MYRIP: variants seen among roughly 807,000 people sequenced by gnomAD.
The protein encoded by MYRIP is rab effector MyRIP.
In MYRIP, 49 loss-of-function variants were observed where a neutral mutation model predicts 98.0. That is an observed-to-expected ratio of 0.50 (90% CI 0.40 to 0.63). MYRIP has a LOEUF of 0.63. Among genes scored for constraint, MYRIP ranks in the 30% least tolerant of loss-of-function variants. The pLI, the probability that MYRIP is intolerant of heterozygous loss-of-function variation, is 0.00. For missense variants in MYRIP, 1,004 were observed against 1,058.2 expected, an observed-to-expected ratio of 0.95 and a Z score of 0.71; for synonymous variants, 404 against 409.5, an observed-to-expected ratio of 0.99 and a Z score of 0.16.
At chr3:40,162,876 G>A in intron 5 of MYRIP, 66 bp downstream of exon 5, 3 of 1,434,816 alleles carry the variant, frequency 2.1e-6, no homozygotes, top group Non-Finnish European at 2.9e-6. Flanking sequence ...ACAGGTACAG[G>A]TACTGCCAGG....
At chr3:40,218,612 T>TTATATATATA (rs751894190) in intron 11 of MYRIP, among the ~76,000 whole-genome samples, 78 of 13,470 alleles carry the variant, frequency 5.8e-3, no homozygotes, top group South Asian at 0.014. Flanking sequence ...TATATATATT[T>TTATATATATA]TATATATATA....
chr3:40,183,796 A>C (rs1471586028), intron 9 of MYRIP, among the ~76,000 whole-genome samples: 2 of 152,260 alleles, frequency 1.3e-5, no homozygotes, highest in African/African-American at 2.4e-5. Context: ...AACAAAAAAG[A>C]TTAACAGCAG....
At chr3:40,095,595 G>T (rs1337980373) in intron 3 of MYRIP, among the ~76,000 whole-genome samples, 2 of 152,082 alleles carry the variant, frequency 1.3e-5, no homozygotes, top group African/African-American at 4.8e-5. Context: ...GCTCAGAGAG[G>T]TTTCTGAGAA....
intron 1 of MYRIP, among the ~76,000 whole-genome samples, chr3:39,842,179 C>T (rs937514236): frequency 6.6e-6 from 1 of 152,188 alleles, no homozygotes; most frequent in East Asian, 1.9e-4. Flanking sequence ...TCTAGAGAGG[C>T]AGTCTGGCTA....
Position 39,849,342 on chromosome 3 carries a change from G to C in MYRIP, c.-31+39426G>C, listed in dbSNP as rs142677288. Among the ~76,000 whole-genome samples the C allele has an allele frequency of 7.6e-3, 1,161 of 152,270 alleles. 16 individuals are homozygous for C. The highest frequency in any genetic ancestry group is 0.024 in the Middle Eastern group (7 of 294). ...TACAAATAGATAAAGCCACCTCTGT[G>C]CTTCTCATTTATTTCCGAGTCTAAT... On this transcript the variant is annotated intron_variant, in intron 1 of 16. Transcript: ENST00000302541.
At chr3:39,979,802 T>C (rs1240510590) in intron 2 of MYRIP, among the ~76,000 whole-genome samples, 4 of 152,224 alleles carry the variant, frequency 2.6e-5, no homozygotes, top group African/African-American at 9.6e-5. Context: ...CAATTGATTA[T>C]ATTTTCAAAT....
intron 3 of MYRIP, among the ~76,000 whole-genome samples, chr3:40,119,449 A>G (rs904418608): frequency 6.6e-5 from 10 of 152,220 alleles, no homozygotes; most frequent in Admixed American, 3.3e-4. Flanking sequence ...AATATTTTTT[A>G]GTATTTTCTT....
intron 4 of MYRIP, among the ~76,000 whole-genome samples, chr3:40,152,849 G>C (rs1335731342): frequency 6.6e-6 from 1 of 152,166 alleles, no homozygotes; most frequent in East Asian, 1.9e-4. Flanking sequence ...AGGCATGGTG[G>C]CTTATGCTTG....
At chr3:39,810,284 G>T (rs909978234) in intron 1 of MYRIP, among the ~76,000 whole-genome samples, 21 of 152,310 alleles carry the variant, frequency 1.4e-4, no homozygotes, top group African/African-American at 5.0e-4. Context: ...CCGGCGGGAC[G>T]CCTCAAACCA....
At chr3:40,145,328 G>A (rs1267893469) in intron 3 of MYRIP, among the ~76,000 whole-genome samples, 1 of 152,098 alleles carries the variant, frequency 6.6e-6, no homozygotes, top group African/African-American at 2.4e-5. Flanking sequence ...TCATAATAGT[G>A]ATACTGATTT....
At chr3:40,207,423 A>C (rs537447516) in intron 10 of MYRIP, among the ~76,000 whole-genome samples, 6 of 152,298 alleles carry the variant, frequency 3.9e-5, no homozygotes, top group Admixed American at 2.6e-4. Context: ...ACTTCACATG[A>C]GTCCCTCATC....
At chr3:39,903,943 G>A (rs995764794) in intron 2 of MYRIP, among the ~76,000 whole-genome samples, 1 of 152,100 alleles carries the variant, frequency 6.6e-6, no homozygotes, top group Non-Finnish European at 1.5e-5. Flanking sequence ...TCTACAATGT[G>A]TTCAAATCAG....
intron 2 of MYRIP, among the ~76,000 whole-genome samples, chr3:39,906,258 TC>T (rs1381241615): frequency 1.3e-5 from 2 of 152,098 alleles, no homozygotes; most frequent in Non-Finnish European, 2.9e-5. Context: ...TTTTCCTTCA[TC>T]TCTGTTGATA....
At chr3:39,904,305 G>A (rs1943822975) in intron 2 of MYRIP, among the ~76,000 whole-genome samples, 1 of 152,160 alleles carries the variant, frequency 6.6e-6, no homozygotes, top group Non-Finnish European at 1.5e-5. Flanking sequence ...GGAGTGCAGT[G>A]GCACGATGCA....
At position 40,162,759 on chromosome 3, in the gene MYRIP, A is replaced by G. The variant is rs759611321; in HGVS notation, c.499A>G (p.Asn167Asp). 4 of 1,614,008 alleles carry G rather than the reference A, an allele frequency of 2.5e-6. No homozygotes were observed. Among genetic ancestry groups the G allele is most frequent in the Non-Finnish European group, 3.4e-6 (4 of 1,179,944 alleles). Residue 167 changes from asparagine to aspartate, a missense_variant, in exon 5 of 17, where the codon AAT becomes GAT. This residue lies in a region of MYRIP where 880 missense variants were observed against 907.7 expected (regional missense o/e 0.97). Coordinates refer to ENST00000302541, the MANE Select transcript of MYRIP (RefSeq NM_015460.4). The part of the protein sequence containing the change: ...GGSLFESNLE[N>D]EGSISGSDST... The stretch of plus-strand genomic sequence containing the variant: ...AAGCCTTTTTGAGTCAAACCTGGAG[A>G]ATGAAGGAAGCATTTCTGGCAGTGA...
intron 11 of MYRIP, 113 bp downstream of exon 11, chr3:40,210,206 ATGCCCATCCC>A: frequency 1.5e-6 from 2 of 1,339,098 alleles, no homozygotes; most frequent in Non-Finnish European, 2.0e-6. Flanking sequence ...TCTCTCTAAA[ATGCCCATCCC>A]TGTGCATTTG....
intron 1 of MYRIP, among the ~76,000 whole-genome samples, chr3:39,875,319 G>GT (rs1456275348): frequency 2.0e-5 from 3 of 151,934 alleles, no homozygotes; most frequent in Admixed American, 2.0e-4. Flanking sequence ...TTTTTGAAGG[G>GT]TTTTTTGTGT....
At chr3:39,914,583 A>G (rs192288174) in intron 2 of MYRIP, among the ~76,000 whole-genome samples, 1 of 152,250 alleles carries the variant, frequency 6.6e-6, no homozygotes, top group African/African-American at 2.4e-5. Flanking sequence ...AACTTCTAAT[A>G]TCAGTGACCT....
Position 40,212,766 on chromosome 3 carries a change from A to G in MYRIP, c.1905+2673A>G, listed in dbSNP as rs545829004. On this transcript the variant is annotated intron_variant, in intron 11 of 16. Coordinates refer to ENST00000302541, the MANE Select transcript of MYRIP (RefSeq NM_015460.4). Reference sequence around the variant, plus strand: ...TCTCAAAAAATATATAAGTAAATAAAAACAAAAAAATTAGCCAAGCATGGT... The same window carrying G: ...TCTCAAAAAATATATAAGTAAATAAGAACAAAAAAATTAGCCAAGCATGGT... 2.4e-4 allele frequency among the ~76,000 whole-genome samples: 37 copies of G among 152,140 alleles called. No individual in the cohort carries two copies. In the South Asian group the frequency reaches 7.1e-3, roughly 29 times the overall value.
Sources: gnomAD v4.1 joint callset for allele counts (sites outside exome capture counted in the v4.1 genomes callset) on GRCh38, gnomAD v4.1.1 for gene constraint, gnomAD v4.1.1 regional missense constraint, MANE v1.5 for transcripts, NCBI Gene and HGNC (gene_info 2026-07-23, HGNC 2026-07-21) for gene names.